MYO16: variants seen among roughly 807,000 people sequenced by gnomAD.
MYO16 encodes the protein myosin XVI, also known as unconventional myosin-XVI.
Under a neutral mutation model 205.3 loss-of-function variants are expected in MYO16, and 94 were observed. The ratio of observed to expected loss-of-function variants is 0.46; its 90% CI spans 0.39 to 0.54. The LOEUF (loss-of-function observed/expected upper bound fraction) is 0.54, where lower values mean the gene tolerates loss of function less well. Among genes scored for constraint, MYO16 ranks in the 20% least tolerant of loss-of-function variants. The pLI is 0.00. For missense variants in MYO16, 2,315 were observed against 2,387.5 expected (o/e 0.97, Z 0.63); for synonymous variants, 988 against 954.0 (o/e 1.04, Z -0.66).
intron 16 of MYO16, among the ~76,000 whole-genome samples, chr13:108,928,623 A>T (rs1202175978): frequency 2.6e-5 from 4 of 152,198 alleles, no homozygotes; most frequent in Non-Finnish European, 5.9e-5. Context: ...TTTGTTAGGT[A>T]AAAGGAGTGT....
At chr13:108,742,084 C>T (rs886719714) in intron 4 of MYO16, among the ~76,000 whole-genome samples, 2 of 152,142 alleles carry the variant, frequency 1.3e-5, no homozygotes, top group Non-Finnish European at 2.9e-5. Context: ...CCTCCGTCCC[C>T]AGGGTACAAG....
intron 17 of MYO16, 27 bp from the exon 18 acceptor site, chr13:108,961,512 C>T (rs1258822178): frequency 6.4e-7 from 1 of 1,572,638 alleles, no homozygotes; most frequent in Admixed American, 1.7e-5. Flanking sequence ...GCACCCTATT[C>T]ATTCTCTCTG....
intron 4 of MYO16, among the ~76,000 whole-genome samples, chr13:108,755,536 T>C (rs983468147): frequency 6.9e-6 from 1 of 145,646 alleles, no homozygotes; most frequent in South Asian, 2.2e-4. Context: ...TAGTCTGTGA[T>C]TTTTCTCTTC....
At chr13:108,592,827 A>G (rs576588219), upstream of MYO16, among the ~76,000 whole-genome samples, 1 of 151,970 alleles carries the variant, frequency 6.6e-6, no homozygotes, top group African/African-American at 2.4e-5. Context: ...TCTCAACAGT[A>G]CATGATGACA....
the MYO16 span, among the ~76,000 whole-genome samples, chr13:108,557,069 G>A: frequency 1.6e-4 from 25 of 152,216 alleles, 1 homozygote; most frequent in East Asian, 3.7e-3. Context: ...GTAGTGTGAT[G>A]CCTCCAGCTT....
At chr13:109,018,543 A>T (rs903426959) in intron 22 of MYO16, among the ~76,000 whole-genome samples, 2 of 152,334 alleles carry the variant, frequency 1.3e-5, no homozygotes, top group Non-Finnish European at 1.5e-5. Flanking sequence ...GGGACGTTTA[A>T]GTCTGCAGAA....
chr13:108,762,604 G>A (rs1594274286), intron 4 of MYO16, among the ~76,000 whole-genome samples: 1 of 152,072 alleles, frequency 6.6e-6, no homozygotes, highest in Non-Finnish European at 1.5e-5. Flanking sequence ...ATTTAAAACT[G>A]AAAATATCTC....
At chr13:108,884,546 G>GC (rs1226949901) in intron 13 of MYO16, among the ~76,000 whole-genome samples, 1 of 149,996 alleles carries the variant, frequency 6.7e-6, no homozygotes, top group Non-Finnish European at 1.5e-5. Flanking sequence ...AGGGGCTTCT[G>GC]CCCATTCTAG....
Position 108,962,458 on chromosome 13 carries a change from G to C in MYO16, c.2190G>C (p.Leu730Phe). The change falls in exon 19 of 35, where the codon TTG becomes TTC. Residue 730 changes from leucine to phenylalanine, a missense_variant. Leu to Phe is a conservative substitution (Grantham distance 22). Around this residue, in one of 3 missense-constraint regions of MYO16, gnomAD observed 1,213 missense variants for 1,274.4 expected, o/e 0.95. Transcript: ENST00000457511. ...AGMLQVSTDE[L>F]ASALTTDIQY... is the part of the protein sequence containing the mutation. ...TGTTACAAGTATCAACAGATGAATTGGCATCTGCCTTAACAACTGATATTC... is the reference window on the plus strand; with the variant it reads ...TGTTACAAGTATCAACAGATGAATTCGCATCTGCCTTAACAACTGATATTC... The C allele has an allele frequency of 6.3e-7, 1 of 1,597,512 alleles. No homozygotes were observed. The highest frequency in any genetic ancestry group is 8.5e-7 in the Non-Finnish European group (1 of 1,174,982).
intron 28 of MYO16, among the ~76,000 whole-genome samples, chr13:109,103,569 A>C (rs1005110434): frequency 1.3e-5 from 2 of 152,192 alleles, no homozygotes; most frequent in Non-Finnish European, 1.5e-5. Context: ...TTTAACTGAA[A>C]ATAGTAATTT....
intron 34 of MYO16, among the ~76,000 whole-genome samples, chr13:109,184,604 TTTG>T (rs1879600471): frequency 8.1e-6 from 1 of 122,986 alleles, no homozygotes; most frequent in South Asian, 2.4e-4. Flanking sequence ...TTTTTTTTTG[TTTG>T]TGTGTGTGTT....
intron 1 of MYO16, among the ~76,000 whole-genome samples, chr13:108,603,714 GTTA>G (rs1878850291): frequency 6.6e-6 from 1 of 152,080 alleles, no homozygotes; most frequent in Non-Finnish European, 1.5e-5. Flanking sequence ...ATTGTACCAG[GTTA>G]AATGAACAAA....
intron 9 of MYO16, among the ~76,000 whole-genome samples, chr13:108,833,149 A>T (rs1038795637): frequency 6.6e-6 from 1 of 152,136 alleles, no homozygotes; most frequent in Non-Finnish European, 1.5e-5. Context: ...TGTTAGATTA[A>T]TATGTCTCAA....
intron 3 of MYO16, among the ~76,000 whole-genome samples, chr13:108,722,896 C>G (rs563563135): frequency 1.3e-5 from 2 of 152,276 alleles, no homozygotes; most frequent in Middle Eastern, 3.4e-3. Context: ...ACACATCACC[C>G]AGAACATCAG....
the MYO16 span, among the ~76,000 whole-genome samples, chr13:108,554,900 T>A: frequency 2.0e-5 from 3 of 149,146 alleles, no homozygotes; most frequent in African/African-American, 7.4e-5. Flanking sequence ...TCTCTACCTA[T>A]CTTTTGGTAG....
In MYO16 at chr13:109,141,069, G is replaced by A. The variant is rs575781981; in HGVS notation, c.4857G>A (p.Pro1619=). 1.4e-4 allele frequency: 202 copies of A among 1,423,436 alleles called. 1 individual carries two copies. The highest frequency in any genetic ancestry group is 1.7e-4 in the South Asian group (11 of 65,222). The allele number at this position is 1,423,436 out of a possible 1,614,324, so 88.2% of individuals were successfully genotyped here. A position where few individuals can be genotyped will look rare whatever the true frequency, so the allele number is the denominator to read the frequency against. ...CCTGCGCGCACTTGGCCTTCCCGCC[G>A]GAGCCCGCCCCGGTGAACGCGGGGA... ...YRPCAHLAFP[P]EPAPVNAGKA... is the part of the protein sequence containing the mutation. The change falls in exon 32 of 35, where the codon CCG becomes CCA. Residue 1619 remains proline (P), a synonymous_variant. Coordinates refer to ENST00000457511, the MANE Select transcript of MYO16 (RefSeq NM_001198950.3). This position sits in a 1 kb window ranked among gnomAD's most constrained non-coding sequence, Gnocchi z 4.1.
chr13:108,935,638 C>A (rs1422913356), intron 16 of MYO16, among the ~76,000 whole-genome samples: 3 of 152,100 alleles, frequency 2.0e-5, no homozygotes, highest in African/African-American at 4.8e-5. Flanking sequence ...CTGGCTATGA[C>A]TTCTGGTACT....
At chr13:109,021,567 C>T (rs1381144444) in intron 23 of MYO16, among the ~76,000 whole-genome samples, 1 of 152,128 alleles carries the variant, frequency 6.6e-6, no homozygotes, top group Non-Finnish European at 1.5e-5. Flanking sequence ...CAACTGGATC[C>T]CAGTGCAAGG....
At chr13:108,823,912 A>G (rs1433578898) in intron 9 of MYO16, among the ~76,000 whole-genome samples, 2 of 152,150 alleles carry the variant, frequency 1.3e-5, no homozygotes, top group African/African-American at 4.8e-5. Context: ...TGTTATGTAT[A>G]TAACTTAGGT....
Sources: allele counts gnomAD v4.1 joint callset (sites outside exome capture counted in the v4.1 genomes callset), GRCh38; gene constraint gnomAD v4.1.1; regional missense constraint gnomAD v4.1.1; non-coding constraint Gnocchi (gnomAD v3.1); transcripts MANE v1.5; gene names NCBI Gene and HGNC (gene_info 2026-07-23, HGNC 2026-07-21).